Variants in PMFBP1 observed in about 807,000 individuals in gnomAD.
PMFBP1 encodes polyamine-modulated factor 1-binding protein 1.
PMFBP1 carries 131 observed loss-of-function variants against 137.8 expected under a neutral mutation model. The observed-to-expected ratio is 0.95, with a 90% CI of 0.82 to 1.10. The LOEUF (loss-of-function observed/expected upper bound fraction) is 1.10. PMFBP1 is among the 50% of genes least tolerant of loss of function. PMFBP1 has a pLI of 0.00. For missense variants in PMFBP1, 1,199 were observed against 1,175.4 expected, an observed-to-expected ratio of 1.02 and a Z score of -0.29; for synonymous variants, 490 against 450.4, an observed-to-expected ratio of 1.09 and a Z score of -1.11.
intron 16 of PMFBP1, 82 bp from the exon 17 acceptor site, chr16:72,125,016 TG>T: frequency 6.5e-7 from 1 of 1,528,684 alleles, no homozygotes; most frequent in African/African-American, 1.4e-5. Context: ...GGGTGCTTCC[TG>T]GGCCTTGGGA....
the PMFBP1 span, among the ~76,000 whole-genome samples, chr16:72,206,720 C>T: frequency 6.6e-6 from 1 of 152,014 alleles, no homozygotes; most frequent in East Asian, 1.9e-4. Context: ...CATCGCTTCC[C>T]GGCGCACTGC....
At chr16:72,165,606 G>A (rs2043134308) in intron 2 of PMFBP1, among the ~76,000 whole-genome samples, 1 of 151,998 alleles carries the variant, frequency 6.6e-6, no homozygotes, top group South Asian at 2.1e-4. Context: ...TTTTAGTAGA[G>A]ACAGGGTTTC....
chr16:72,190,867 C>G, the PMFBP1 span, among the ~76,000 whole-genome samples: 1 of 152,128 alleles, frequency 6.6e-6, no homozygotes, highest in Admixed American at 6.5e-5. Context: ...CATCTTAGAT[C>G]GTGAGGACTT....
At chr16:72,215,239 G>A in the PMFBP1 span, among the ~76,000 whole-genome samples, 1 of 152,000 alleles carries the variant, frequency 6.6e-6, no homozygotes, top group Non-Finnish European at 1.5e-5. Flanking sequence ...AGGAGGACAT[G>A]AGCCCTTAAA....
intron 9 of PMFBP1, among the ~76,000 whole-genome samples, chr16:72,134,166 A>G (rs999207088): frequency 1.3e-5 from 2 of 152,140 alleles, no homozygotes; most frequent in African/African-American, 4.8e-5. Context: ...AGGCTTTTAA[A>G]AAATGTTCAC....
the PMFBP1 span, among the ~76,000 whole-genome samples, chr16:72,220,670 G>A: frequency 6.6e-6 from 1 of 152,142 alleles, no homozygotes; most frequent in Non-Finnish European, 1.5e-5. Flanking sequence ...GGAGGTATGA[G>A]AGAGGGCTCA....
At chr16:72,170,791 C>G (rs1397246308) in intron 2 of PMFBP1, among the ~76,000 whole-genome samples, 3 of 152,128 alleles carry the variant, frequency 2.0e-5, no homozygotes, top group Non-Finnish European at 2.9e-5. Context: ...TCATATCATT[C>G]CAGATAAAGA....
chr16:72,174,808 C>T (rs1359880108), upstream of PMFBP1, among the ~76,000 whole-genome samples: 3 of 152,126 alleles, frequency 2.0e-5, no homozygotes, highest in Non-Finnish European at 4.4e-5. Context: ...GGAAAACACC[C>T]CATGATTCAA....
At chr16:72,127,944 A>G (rs2042486788) in intron 14 of PMFBP1, among the ~76,000 whole-genome samples, 1 of 152,252 alleles carries the variant, frequency 6.6e-6, no homozygotes, top group South Asian at 2.1e-4. Context: ...CCAAGAGACC[A>G]ACTACCAAGG....
intron 7 of PMFBP1, among the ~76,000 whole-genome samples, chr16:72,137,373 T>G (rs2042647780): frequency 6.6e-6 from 1 of 151,992 alleles, no homozygotes; most frequent in South Asian, 2.1e-4. Flanking sequence ...GCATAATAAG[T>G]AGTGACTTAT....
chr16:72,147,251 C>G (rs2042822646), intron 5 of PMFBP1, among the ~76,000 whole-genome samples: 1 of 152,132 alleles, frequency 6.6e-6, no homozygotes, highest in Non-Finnish European at 1.5e-5. Context: ...TTTGACAAAC[C>G]TGACAAAAAC....
the PMFBP1 span, among the ~76,000 whole-genome samples, chr16:72,237,392 C>T: frequency 8.6e-5 from 13 of 151,958 alleles, no homozygotes; most frequent in Admixed American, 6.6e-4. Context: ...GGCCTGCTTT[C>T]CATAGAAGAC....
At chr16:72,157,418 C>T (rs768333683) in intron 3 of PMFBP1, among the ~76,000 whole-genome samples, 1 of 151,846 alleles carries the variant, frequency 6.6e-6, no homozygotes, top group South Asian at 2.1e-4. Flanking sequence ...ACGTTTGAAC[C>T]GAAACTTGAA....
chr16:72,249,698 C>T, the PMFBP1 span, among the ~76,000 whole-genome samples: 7 of 150,646 alleles, frequency 4.6e-5, no homozygotes, highest in Admixed American at 3.3e-4. Flanking sequence ...AGGTGAATTA[C>T]GAGGTCAGGA....
In PMFBP1 at chr16:72,122,978, C is replaced by A. The variant is rs145484256; in HGVS notation, c.2704G>T (p.Glu902Ter). The A allele has an allele frequency of 7.3e-5, 117 of 1,612,878 alleles. No individual in the cohort carries two copies. The highest frequency in any genetic ancestry group is 9.7e-5 in the Non-Finnish European group (115 of 1,179,934). The change falls in exon 19 of 21, where the codon GAG (glutamate) becomes TAG (stop). Residue 902 changes from glutamate (E) to a stop codon, truncating the protein, a stop_gained. Coordinates refer to ENST00000237353, the MANE Select transcript of PMFBP1 (RefSeq NM_031293.3). LOFTEE classifies it high-confidence loss of function. ...QWAKQQKVAN[E>*]KLGNQLREQV... ...TCTCGGAGCTGGTTTCCTAGTTTCT[C>A]ATTGGCGACCCTGTAATAAAATCAC...
chr16:72,171,170 T>A (rs773616312), intron 2 of PMFBP1, 27 bp downstream of exon 2: 1 of 1,609,096 alleles, frequency 6.2e-7, no homozygotes, highest in Non-Finnish European at 8.5e-7. Flanking sequence ...TTCAACTCCA[T>A]GCATGTAGAG....
At chr16:72,143,724 C>T (rs2042759389) in intron 5 of PMFBP1, among the ~76,000 whole-genome samples, 1 of 149,822 alleles carries the variant, frequency 6.7e-6, no homozygotes, top group African/African-American at 2.5e-5. Context: ...GACTGGGTGA[C>T]AGAGTGAGAC....
At chr16:72,121,249 A>G (rs1180587934) in intron 19 of PMFBP1, among the ~76,000 whole-genome samples, 1 of 152,192 alleles carries the variant, frequency 6.6e-6, no homozygotes, top group African/African-American at 2.4e-5. Flanking sequence ...AAAGCTGGCC[A>G]ACCTTGAGGT....
chr16:72,152,261 C>T (rs955873607), intron 4 of PMFBP1, among the ~76,000 whole-genome samples: 2 of 152,118 alleles, frequency 1.3e-5, no homozygotes, highest in Admixed American at 6.6e-5. Flanking sequence ...TCAATGCTTT[C>T]TCGGTTTGGG....
Sources: allele counts gnomAD v4.1 joint callset (sites outside exome capture counted in the v4.1 genomes callset), GRCh38; gene constraint gnomAD v4.1.1; transcripts MANE v1.5; gene names NCBI Gene and HGNC (gene_info 2026-07-23, HGNC 2026-07-21).